The following ZEB1 variants were observed in gnomAD, a reference collection of about 807,000 sequenced individuals.
ZEB1 encodes the protein zinc finger E-box binding homeobox 1.
Under a neutral mutation model 84.9 loss-of-function variants are expected in ZEB1, and 21 were observed. The ratio of observed to expected loss-of-function variants is 0.25; its 90% CI spans 0.18 to 0.36. ZEB1 has a LOEUF of 0.36. ZEB1 is among the 10% of genes least tolerant of loss of function. ZEB1 has a pLI of 1.00. For synonymous variants in ZEB1, 420 were observed against 471.1 expected (o/e 0.89, Z 1.41); for missense variants, 1,104 against 1,330.2 (o/e 0.83, Z 2.65).
intron 6 of ZEB1, 137 bp from the exon 7 acceptor site, chr10:31,519,989 C>A: frequency 8.5e-7 from 1 of 1,177,970 alleles, no homozygotes. Flanking sequence ...AAAGTTTATT[C>A]TAAATACAGT....
chr10:31,434,083 T>TA (rs1294511561), intron 1 of ZEB1, among the ~76,000 whole-genome samples: 2 of 152,244 alleles, frequency 1.3e-5, no homozygotes, highest in Non-Finnish European at 2.9e-5. Context: ...ATTAGCATGT[T>TA]AAAAATTATT....
intron 1 of ZEB1, among the ~76,000 whole-genome samples, chr10:31,447,549 G>T (rs1182448000): frequency 7.5e-6 from 1 of 133,484 alleles, no homozygotes; most frequent in East Asian, 2.1e-4. Context: ...GCAGCGGCTG[G>T]TACCGGTTGT....
Position 31,461,183 on chromosome 10 carries a change from C to A in ZEB1, c.205C>A (p.Pro69Thr), listed in dbSNP as rs1161810435. ...CCTGCCAACAGACCAGACAGTGTTA[C>A]CAGGGAGGAGCAGTGAAAGAGAAGG... ...DDLPTDQTVLPGRSSEREGNA... is the reference protein window; with the variant it reads ...DDLPTDQTVLTGRSSEREGNA... The change falls in exon 2 of 9, where the codon CCA becomes ACA. Residue 69 changes from proline (P) to threonine (T), a missense_variant. Pro to Thr is a conservative substitution (Grantham distance 38, BLOSUM62 -1). This residue lies in a region of ZEB1 where 162 missense variants were observed against 184.5 expected (regional missense o/e 0.88). Transcript: ENST00000424869. The A allele has an allele frequency of 6.2e-7, 1 of 1,613,250 alleles. No homozygotes were observed. The highest frequency in any genetic ancestry group is 1.7e-5 in the Admixed American group (1 of 59,818).
intron 1 of ZEB1, among the ~76,000 whole-genome samples, chr10:31,341,110 T>C (rs2039276989): frequency 6.6e-6 from 1 of 152,094 alleles, no homozygotes; most frequent in Admixed American, 6.6e-5. Flanking sequence ...ATTGAAGGGT[T>C]TTAAGTAGGG....
intron 1 of ZEB1, chr10:31,372,920 A>G: frequency 1.3e-6 from 1 of 775,420 alleles, no homozygotes; most frequent in Non-Finnish European, 1.6e-6. Flanking sequence ...CTGCTTGAAC[A>G]GGAGGCAAAT....
At chr10:31,337,978 C>T (rs751534319) in intron 1 of ZEB1, among the ~76,000 whole-genome samples, 26 of 152,168 alleles carry the variant, frequency 1.7e-4, no homozygotes, top group African/African-American at 4.8e-4. Context: ...ACACCGCGCC[C>T]GGCCTAAGCA....
chr10:31,504,720 A>C (rs182957877), intron 4 of ZEB1, among the ~76,000 whole-genome samples: 29 of 152,148 alleles, frequency 1.9e-4, no homozygotes, highest in African/African-American at 6.7e-4. Context: ...TAGCTACTAT[A>C]AATGAGATGG....
intron 1 of ZEB1, among the ~76,000 whole-genome samples, chr10:31,427,407 G>T (rs191006874): frequency 2.1e-4 from 32 of 152,276 alleles, no homozygotes; most frequent in African/African-American, 7.0e-4. Flanking sequence ...GGACTGAAAA[G>T]TATGAAAAGT....
chr10:31,431,009 T>C (rs541363748), intron 1 of ZEB1, among the ~76,000 whole-genome samples: 8 of 152,360 alleles, frequency 5.3e-5, no homozygotes, highest in African/African-American at 1.9e-4. Context: ...CTTAAATCAG[T>C]ACAAAGAGTG....
At chr10:31,475,325 A>C (rs1330611830) in intron 2 of ZEB1, among the ~76,000 whole-genome samples, 3 of 152,094 alleles carry the variant, frequency 2.0e-5, no homozygotes, top group Non-Finnish European at 4.4e-5. Flanking sequence ...TGTGACTTAC[A>C]GGCATTCTTG....
intron 1 of ZEB1, among the ~76,000 whole-genome samples, chr10:31,375,352 C>A (rs1437444144): frequency 6.6e-6 from 1 of 151,620 alleles, no homozygotes; most frequent in African/African-American, 2.4e-5. Flanking sequence ...ATATTCCTTC[C>A]TGGGTAACGT....
intron 2 of ZEB1, among the ~76,000 whole-genome samples, chr10:31,469,495 C>G (rs1037955041): frequency 6.6e-6 from 1 of 152,228 alleles, no homozygotes; most frequent in African/African-American, 2.4e-5. Context: ...GAATATTGCG[C>G]TTTTCTGACG....
chr10:31,338,771 G>A (rs534785692), intron 1 of ZEB1, among the ~76,000 whole-genome samples: 36 of 152,170 alleles, frequency 2.4e-4, no homozygotes, highest in Non-Finnish European at 4.3e-4. Flanking sequence ...AGATCTACCC[G>A]TAATGCACAA....
intron 1 of ZEB1, among the ~76,000 whole-genome samples, chr10:31,402,110 C>CTGTTGT (rs541378977): frequency 9.4e-4 from 142 of 151,032 alleles, no homozygotes; most frequent in African/African-American, 3.2e-3. Context: ...GTTGTTGTTG[C>CTGTTGT]TGTTGTTGTT....
chr10:31,365,588 A>C (rs1315304646), intron 1 of ZEB1, among the ~76,000 whole-genome samples: 1 of 152,192 alleles, frequency 6.6e-6, no homozygotes, highest in Non-Finnish European at 1.5e-5. Flanking sequence ...CTAAATCCAT[A>C]CCTTATACTG....
intron 1 of ZEB1, among the ~76,000 whole-genome samples, chr10:31,352,946 C>T (rs1284044509): frequency 6.6e-6 from 1 of 152,136 alleles, no homozygotes; most frequent in Non-Finnish European, 1.5e-5. Flanking sequence ...ATTGTTGCAG[C>T]CATCTATGGA....
At chr10:31,318,756 C>A (rs539809584), upstream of ZEB1, 140 of 177,144 alleles carry the variant, frequency 7.9e-4, no homozygotes, top group Middle Eastern at 2.8e-3. Context: ...AGCAGGCAGG[C>A]GGGGACCTCT....
At chr10:31,373,240 T>C in intron 1 of ZEB1, 1 of 984,432 alleles carries the variant, frequency 1.0e-6, no homozygotes, top group Non-Finnish European at 1.2e-6. Flanking sequence ...ATGTATTATA[T>C]TTGAATTAAA....
chr10:31,384,198 G>A (rs767772189), intron 1 of ZEB1, among the ~76,000 whole-genome samples: 1 of 151,904 alleles, frequency 6.6e-6, no homozygotes, highest in Non-Finnish European at 1.5e-5. Context: ...CTGGTCTGGA[G>A]TTCCTGAGCT....
Sources: gnomAD v4.1 joint callset for allele counts (sites outside exome capture counted in the v4.1 genomes callset) on GRCh38, gnomAD v4.1.1 for gene constraint, gnomAD v4.1.1 regional missense constraint, MANE v1.5 for transcripts, NCBI Gene and HGNC (gene_info 2026-07-23, HGNC 2026-07-21) for gene names.